STAR: variants seen among roughly 807,000 people sequenced by gnomAD.
The protein encoded by STAR is steroidogenic acute regulatory protein, mitochondrial.
In STAR, 32 loss-of-function variants were observed where a neutral mutation model predicts 32.3. That is an observed-to-expected ratio of 0.99 (90% CI 0.75 to 1.33). The LOEUF is 1.33. STAR is among the 40% of genes most tolerant of loss of function. The probability of loss-of-function intolerance (pLI) is 0.00; values close to 1 mark genes in which losing one functional copy is unlikely to be tolerated. For synonymous variants in STAR, 134 were observed against 140.5 expected (o/e 0.95, Z 0.33); for missense variants, 375 against 379.0 (o/e 0.99, Z 0.09).
intron 1 of STAR, among the ~76,000 whole-genome samples, 157 bp downstream of exon 1, chr8:38,150,598 C>A (rs1802650199): frequency 6.6e-6 from 1 of 152,074 alleles, no homozygotes; most frequent in African/African-American, 2.4e-5. Flanking sequence ...TAGTAACCAG[C>A]CCACTTCTTC....
intron 3 of STAR, 48 bp downstream of exon 3, chr8:38,148,152 G>A: frequency 6.2e-7 from 1 of 1,612,732 alleles, no homozygotes; most frequent in African/African-American, 1.3e-5. Context: ...TGGCCTTGAG[G>A]ATGGCAGTGG....
In STAR at chr8:38,146,060, C is replaced by T. The variant is rs1802565815; in HGVS notation, c.553G>A (p.Val185Met). 6.2e-7 allele frequency: 1 copy of T among 1,614,134 alleles called. No individual in the cohort carries two copies. Among genetic ancestry groups the T allele is most frequent in the Non-Finnish European group, 8.5e-7 (1 of 1,180,050 alleles). ...AGNLVGPRDF[V>M]SVRCAKRRGS... Reference sequence around the variant, plus strand: ...CGGCGCTTGGCACAGCGCACGCTCACAAAGTCACGGGGCCCCACCAGGTTT... The same window carrying T: ...CGGCGCTTGGCACAGCGCACGCTCATAAAGTCACGGGGCCCCACCAGGTTT... Residue 185 changes from valine (V) to methionine (M), a missense_variant, in exon 5 of 7, where the codon GTG becomes ATG. Physicochemically the swap from Val to Met is conservative, Grantham distance 21. Coordinates refer to ENST00000276449, the MANE Select transcript of STAR (RefSeq NM_000349.3).
chr8:38,145,223 T>TAC lies in STAR; in HGVS notation c.742_743insGT (p.Lys248SerfsTer74). 6.2e-7 allele frequency: 1 copy of TAC among 1,614,078 alleles called. No individual in the cohort carries two copies. The highest frequency in any genetic ancestry group is 1.7e-5 in the Admixed American group (1 of 60,018). ...AGGTCCCCCTCCCATGCCCTTCACC[T>TAC]TGAGGTCGATGCTGAGTAGCCACGT... On this transcript the variant is annotated frameshift_variant and splice_region_variant, in exon 6 of 7. Coordinates refer to ENST00000276449, the MANE Select transcript of STAR (RefSeq NM_000349.3). LOFTEE classifies it high-confidence loss of function.
chr8:38,146,452 C>T lies in STAR; in HGVS notation c.307-5G>A, dbSNP rs774948547. ...CATCACTTTGTCCCCATTGTCCTGT[C>T]AGAGAAAGGAGCCCCCAGAAGGTGG... On this transcript the variant is annotated splice_polypyrimidine_tract_variant and splice_region_variant and intron_variant, in intron 3 of 6. Coordinates refer to ENST00000276449, the MANE Select transcript of STAR (RefSeq NM_000349.3). 1 of 1,613,738 alleles carries T rather than the reference C, an allele frequency of 6.2e-7. No individual in the cohort carries two copies.
rs572209817 is a variant in STAR, at chr8:38,145,406, A to G, written c.651-91T>C. On this transcript the variant is annotated intron_variant, in intron 5 of 6. Coordinates refer to ENST00000276449, the MANE Select transcript of STAR (RefSeq NM_000349.3). ...CCAGTACCATAGATAACACGTTTCT[A>G]CGGTACCTTGTCTTTTCTGAGTCTC... The G allele has an allele frequency of 1.8e-5, 28 of 1,562,152 alleles. No homozygotes were observed. The East Asian group carries it at 5.2e-4, about 29-fold the overall frequency.
intron 5 of STAR, 109 bp downstream of exon 5, chr8:38,145,854 T>C (rs1802559174): frequency 1.5e-6 from 2 of 1,362,376 alleles, no homozygotes; most frequent in Non-Finnish European, 1.0e-6. Flanking sequence ...AAGCCATGGG[T>C]GCACCAAGGG....
Position 38,146,546 on chromosome 8 carries a change from G to A in STAR, c.307-99C>T. The A allele has an allele frequency of 2.9e-6, 4 of 1,360,242 alleles. No individual in the cohort carries two copies. In the South Asian group the frequency reaches 4.9e-5, roughly 17 times the overall value. 84.3% of individuals were successfully genotyped at this position (1,360,242 alleles called of 1,614,324 possible). The stretch of plus-strand genomic sequence containing the variant: ...TAATCCCAGCACTTTGGGAGGCCAA[G>A]GTGGGTGGATCACAAGGTCAGGAGT... On this transcript the variant is annotated intron_variant, in intron 3 of 6. Transcript: ENST00000276449.
intron 1 of STAR, 77 bp downstream of exon 1, chr8:38,150,678 G>A: frequency 1.9e-6 from 3 of 1,597,614 alleles, no homozygotes; most frequent in Non-Finnish European, 2.5e-6. Flanking sequence ...GCACAACTAG[G>A]ATCAGAATTG....
At chr8:38,150,219 AAAAAAT>A (rs901992829) in intron 1 of STAR, among the ~76,000 whole-genome samples, 2 of 151,954 alleles carry the variant, frequency 1.3e-5, no homozygotes, top group Non-Finnish European at 2.9e-5. Context: ...TTGTCTCTAA[AAAAAAT>A]AAAAATAAAA....
rs751808039 is a variant in STAR, at chr8:38,146,345, G to A, written c.409C>T (p.Leu137Phe). The A allele has an allele frequency of 3.1e-6, 5 of 1,613,990 alleles. No homozygotes were observed. The Admixed American group carries it at 5.0e-5, about 16-fold the overall frequency. The change falls in exon 4 of 7, where the codon CTC (leucine) becomes TTC (phenylalanine). Residue 137 changes from leucine to phenylalanine, a missense_variant. By Grantham distance (22) the Leu-to-Phe change is conservative. Coordinates refer to ENST00000276449, the MANE Select transcript of STAR (RefSeq NM_000349.3). ...CCCATTGCTTCCATGCGCTCCACGA[G>A]CTCTTCATAGAGCCTCTCCATGGGC... The part of the protein sequence containing the change: ...DQPMERLYEE[L>F]VERMEAMGEW...
At chr8:38,150,235 A>T (rs1384302850) in intron 1 of STAR, among the ~76,000 whole-genome samples, 14 of 151,790 alleles carry the variant, frequency 9.2e-5, no homozygotes. Context: ...TAAAAATAAA[A>T]ATAAATAAAT....
chr8:38,144,090 C>T lies in STAR; in HGVS notation c.*183G>A. The T allele has an allele frequency of 1.5e-6, 1 of 658,012 alleles. No homozygotes were observed. Among genetic ancestry groups the T allele is most frequent in the South Asian group, 1.5e-5 (1 of 64,738 alleles). The allele number at this position is 658,012 out of a possible 1,614,324, so 40.8% of individuals were successfully genotyped here. A position where few individuals can be genotyped will look rare whatever the true frequency, so the allele number is the denominator to read the frequency against. ...ACCTTTTAATCCAAGAGCCTCATCCCTGTTTTCTTGGTACTAAAAACTTTC... is the reference window on the plus strand; with the variant it reads ...ACCTTTTAATCCAAGAGCCTCATCCTTGTTTTCTTGGTACTAAAAACTTTC... On this transcript the variant is annotated 3_prime_UTR_variant, in exon 7 of 7. Transcript: ENST00000276449.
Position 38,146,109 on chromosome 8 carries a change from G to T in STAR, c.504C>A (p.His168Gln). The stretch of plus-strand genomic sequence containing the variant: ...TTCCTGCTGCCTCGGCAGCCAGCTC[G>T]TGAGTAATGAATGTATCTTTTCCGA... ...QKIGKDTFIT[H>Q]ELAAEAAGNL... The change falls in exon 5 of 7, where the codon CAC (histidine) becomes CAA (glutamine). Residue 168 changes from histidine (H) to glutamine (Q), a missense_variant. Physicochemically the swap from His to Gln is conservative, Grantham distance 24. Coordinates refer to ENST00000276449, the MANE Select transcript of STAR (RefSeq NM_000349.3). 1.9e-6 allele frequency: 3 copies of T among 1,614,146 alleles called. No homozygotes were observed. Among genetic ancestry groups the T allele is most frequent in the Non-Finnish European group, 2.5e-6 (3 of 1,180,004 alleles).
In STAR at chr8:38,150,845, G is replaced by A. The variant is rs1802655909; in HGVS notation, c.-27C>T. ...GTTTCCTGGCAAATGTGGCAGTGGT[G>A]GGGTCGCTGCCGCTGCTGCTGCCGC... On this transcript the variant is annotated 5_prime_UTR_variant, in exon 1 of 7. Transcript: ENST00000276449. 6.2e-7 allele frequency: 1 copy of A among 1,602,754 alleles called. No homozygotes were observed. Among genetic ancestry groups the A allele is most frequent in the Non-Finnish European group, 8.5e-7 (1 of 1,179,950 alleles).
intron 1 of STAR, chr8:38,149,230 T>C: frequency 5.2e-6 from 1 of 191,004 alleles, no homozygotes; most frequent in Non-Finnish European, 1.1e-5. Flanking sequence ...CATAAGCTAC[T>C]CTGTGTGCCC....
intron 3 of STAR, among the ~76,000 whole-genome samples, chr8:38,147,398 C>T (rs548568719): frequency 1.3e-5 from 2 of 152,300 alleles, no homozygotes; most frequent in Admixed American, 6.5e-5. Flanking sequence ...AAGTGTTTTA[C>T]ACCAGCTTAA....
Position 38,150,804 on chromosome 8 carries a change from T to A in STAR, c.15A>T (p.Thr5=), listed in dbSNP as rs746045152. MLLA[T]FKLCAGSSYR... is the part of the protein sequence containing the mutation. ...AGGAGCTCCCAGCGCACAGCTTGAA[T>A]GTCGCTAGCAGCATTGTTTCCTGGC... The change falls in exon 1 of 7, where the codon ACA becomes ACT. Residue 5 remains threonine, a synonymous_variant. Transcript: ENST00000276449. 1.2e-6 allele frequency: 2 copies of A among 1,606,474 alleles called. No homozygotes were observed. The highest frequency in any genetic ancestry group is 1.7e-5 in the Admixed American group (1 of 60,012).
chr8:38,145,238 A>G lies in STAR; in HGVS notation c.728T>C (p.Leu243Pro), dbSNP rs1057189474. ...GCCCTTCACCTTGAGGTCGATGCTG[A>G]GTAGCCACGTAAGTTTGGTCTTAGA... ...SPSKTKLTWL[L>P]SIDLKGWLPK... is the part of the protein sequence containing the mutation. Residue 243 changes from leucine to proline, a missense_variant, in exon 6 of 7, where the codon CTC becomes CCC. Physicochemically the swap from Leu to Pro is moderately conservative, Grantham distance 98. Coordinates refer to ENST00000276449, the MANE Select transcript of STAR (RefSeq NM_000349.3). The G allele has an allele frequency of 6.2e-7, 1 of 1,614,132 alleles. No homozygotes were observed. The highest frequency in any genetic ancestry group is 8.5e-7 in the Non-Finnish European group (1 of 1,180,016).
At chr8:38,145,529 C>T (rs771191782) in intron 5 of STAR, 47 of 657,262 alleles carry the variant, frequency 7.2e-5, no homozygotes, top group Non-Finnish European at 1.0e-4. Flanking sequence ...GCAGCCCCTG[C>T]GGCCTCTTGT....
Sources: gnomAD v4.1 joint callset for allele counts (sites outside exome capture counted in the v4.1 genomes callset) on GRCh38, gnomAD v4.1.1 for gene constraint, MANE v1.5 for transcripts, NCBI Gene and HGNC (gene_info 2026-07-23, HGNC 2026-07-21) for gene names.